The following TJP1 variants were observed in gnomAD, a reference collection of about 807,000 sequenced individuals.
TJP1 encodes tight junction protein 1, also known as tight junction protein ZO-1.
In TJP1, 43 loss-of-function variants were observed where a neutral mutation model predicts 194.2. The observed-to-expected ratio is 0.22, with a 90% CI of 0.17 to 0.29. The LOEUF is 0.29. TJP1 is among the 10% of genes least tolerant of loss of function. The pLI is 1.00. For synonymous variants in TJP1, 801 were observed against 779.0 expected (o/e 1.03, Z -0.47); for missense variants, 1,971 against 2,185.7 (o/e 0.90, Z 1.96).
In TJP1 at chr15:29,744,097, T is replaced by C. The variant is rs548885453; in HGVS notation, c.1011-1316A>G. 4.6e-5 allele frequency among the ~76,000 whole-genome samples: 7 copies of C among 152,238 alleles called. No individual in the cohort carries two copies. The South Asian group carries it at 1.5e-3, about 32-fold the overall frequency. ...GTGAGGCTGAGGCAGGAGAATCAAT[T>C]GAACCCAGGAGGCAGAGGTTGCAGT... On this transcript the variant is annotated intron_variant, in intron 8 of 27. Transcript: ENST00000614355.
In TJP1 at chr15:29,705,628, T is replaced by C. The variant is rs777243709; in HGVS notation, c.4968A>G (p.Ile1656Met). 3.1e-6 allele frequency: 5 copies of C among 1,614,094 alleles called. No individual in the cohort carries two copies. Among genetic ancestry groups the C allele is most frequent in the Non-Finnish European group, 4.2e-6 (5 of 1,180,052 alleles). Residue 1656 changes from isoleucine to methionine, a missense_variant, in exon 26 of 28, where the codon ATA (isoleucine) becomes ATG (methionine). Ile to Met is a conservative substitution (Grantham distance 10). Coordinates refer to ENST00000614355, the MANE Select transcript of TJP1 (RefSeq NM_001330239.4). ...CGGGAATGGCTCCTTGAGGGATAAT[T>C]ATACTAACACCAGTTTCTATGGAAC... ...VLSSIETGVS[I>M]IIPQGAIPEG...
intron 2 of TJP1, among the ~76,000 whole-genome samples, chr15:29,950,053 C>T (rs369177174): frequency 4.0e-4 from 34 of 84,750 alleles, no homozygotes; most frequent in Middle Eastern, 5.3e-3. Flanking sequence ...CCACCACCAC[C>T]ACCTCCACCA....
intron 2 of TJP1, among the ~76,000 whole-genome samples, chr15:29,944,015 G>C (rs1163000571): frequency 6.6e-6 from 1 of 151,918 alleles, no homozygotes; most frequent in Non-Finnish European, 1.5e-5. Context: ...GGTACTTAAA[G>C]GAAATATTTT....
rs780055953 is a variant in TJP1, at chr15:29,732,623, TA to T, written c.1921+7del. 3 of 1,613,782 alleles carry T rather than the reference TA, an allele frequency of 1.9e-6. No homozygotes were observed. Among genetic ancestry groups the T allele is most frequent in the Non-Finnish European group, 2.5e-6 (3 of 1,179,848 alleles). ...GGGTATTAGGTTAGTCTGTAGAAAA[TA>T]AACTACCTTCTCGAAGAACCACTCT... On this transcript the variant is annotated splice_region_variant and intron_variant, in intron 14 of 27. Transcript: ENST00000614355.
chr15:29,903,243 A>G (rs1025008808), intron 2 of TJP1, among the ~76,000 whole-genome samples: 40 of 152,276 alleles, frequency 2.6e-4, no homozygotes, highest in African/African-American at 8.9e-4. Context: ...ATGAAGCTCA[A>G]GATGAATATT....
At chr15:29,918,985 T>C (rs2054273397) in intron 2 of TJP1, among the ~76,000 whole-genome samples, 1 of 152,126 alleles carries the variant, frequency 6.6e-6, no homozygotes. Context: ...TCCAAGAGGC[T>C]TGCAAAGATG....
chr15:29,800,547 C>T, intron 2 of TJP1, 99 bp downstream of exon 2: 1 of 1,158,446 alleles, frequency 8.6e-7, no homozygotes, highest in Non-Finnish European at 1.2e-6. Context: ...AAAGTTTCCT[C>T]CTCCCTCTGG....
chr15:29,727,443 T>C (rs912468835), intron 16 of TJP1, among the ~76,000 whole-genome samples: 2 of 152,230 alleles, frequency 1.3e-5, no homozygotes, highest in African/African-American at 2.4e-5. Flanking sequence ...ACAGATCTCT[T>C]TGTATTCTAA....
intron 8 of TJP1, among the ~76,000 whole-genome samples, chr15:29,752,864 T>A (rs2045378324): frequency 6.6e-6 from 1 of 152,210 alleles, no homozygotes. Flanking sequence ...CTTGCTCTTA[T>A]GATGTAGCCA....
intron 7 of TJP1, 58 bp from the exon 8 acceptor site, chr15:29,761,344 G>A (rs2045996243): frequency 1.3e-5 from 20 of 1,583,178 alleles, no homozygotes; most frequent in Non-Finnish European, 1.2e-5. Context: ...TCAAGTATAA[G>A]GTACTCCAGT....
At chr15:29,783,795 T>C (rs2047525543) in intron 2 of TJP1, among the ~76,000 whole-genome samples, 1 of 152,152 alleles carries the variant, frequency 6.6e-6, no homozygotes, top group Admixed American at 6.5e-5. Flanking sequence ...CACTGGGGAC[T>C]ACCGGAGGGT....
intron 2 of TJP1, among the ~76,000 whole-genome samples, chr15:29,778,899 C>T (rs1031510896): frequency 6.6e-6 from 1 of 152,140 alleles, no homozygotes; most frequent in Non-Finnish European, 1.5e-5. Context: ...TGCTACTTAA[C>T]ACACAGCACA....
intron 2 of TJP1, among the ~76,000 whole-genome samples, chr15:29,798,130 G>A (rs1041583325): frequency 3.3e-5 from 5 of 152,054 alleles, no homozygotes; most frequent in Non-Finnish European, 7.4e-5. Context: ...CTGCCACCAC[G>A]TCCAGCTAAT....
intron 1 of TJP1, among the ~76,000 whole-genome samples, chr15:29,963,948 A>G (rs2056249115): frequency 1.3e-5 from 2 of 152,230 alleles, no homozygotes; most frequent in African/African-American, 4.8e-5. Flanking sequence ...CACTGTGCCC[A>G]GCCCACTGTA....
chr15:29,954,641 G>C (rs1371712473), intron 2 of TJP1, among the ~76,000 whole-genome samples: 1 of 151,938 alleles, frequency 6.6e-6, no homozygotes, highest in Non-Finnish European at 1.5e-5. Context: ...AATGTCTTCT[G>C]GTAGGTCACA....
chr15:29,938,647 G>C (rs1026347590), intron 2 of TJP1, among the ~76,000 whole-genome samples: 1 of 152,170 alleles, frequency 6.6e-6, no homozygotes, highest in Non-Finnish European at 1.5e-5. Flanking sequence ...CAGGGTGTCT[G>C]AAATTTCCAC....
intron 8 of TJP1, among the ~76,000 whole-genome samples, chr15:29,748,021 A>ATTTC (rs752753071): frequency 2.0e-5 from 3 of 152,340 alleles, no homozygotes; most frequent in South Asian, 4.1e-4. Flanking sequence ...TTGTTAGTGC[A>ATTTC]TTTCCATTAT....
intron 18 of TJP1, among the ~76,000 whole-genome samples, chr15:29,724,378 A>C (rs1326898799): frequency 6.6e-6 from 1 of 152,240 alleles, no homozygotes; most frequent in Non-Finnish European, 1.5e-5. Context: ...TCTTCTTGCT[A>C]TCTACTCTAA....
chr15:29,828,107 AGT>A (rs1350080599), intron 2 of TJP1, among the ~76,000 whole-genome samples: 2 of 152,148 alleles, frequency 1.3e-5, no homozygotes, highest in African/African-American at 4.8e-5. Context: ...CTAACTAGAG[AGT>A]GTATTTCTAG....
Sources: allele counts gnomAD v4.1 joint callset (sites outside exome capture counted in the v4.1 genomes callset), GRCh38; gene constraint gnomAD v4.1.1; transcripts MANE v1.5; gene names NCBI Gene and HGNC (gene_info 2026-07-23, HGNC 2026-07-21).